Variants in DNAH8 observed in about 807,000 individuals in gnomAD.
DNAH8 encodes axonemal beta dynein heavy chain 8.
A neutral mutation model predicts 562.1 loss-of-function variants in DNAH8; 382 were observed. The observed-to-expected ratio is 0.68, with a 90% CI of 0.63 to 0.74. The LOEUF (loss-of-function observed/expected upper bound fraction) is 0.74, where lower values mean the gene tolerates loss of function less well. DNAH8 is among the 30% of genes least tolerant of loss of function. The pLI, the probability that DNAH8 is intolerant of heterozygous loss-of-function variation, is 0.00. For synonymous variants in DNAH8, 1,881 were observed against 1,919.4 expected, an observed-to-expected ratio of 0.98 and a Z score of 0.52; for missense variants, 5,203 against 5,620.4, an observed-to-expected ratio of 0.93 and a Z score of 2.37.
At chr6:38,790,745 C>T (rs1281997689) in intron 20 of DNAH8, among the ~76,000 whole-genome samples, 1 of 151,856 alleles carries the variant, frequency 6.6e-6, no homozygotes, top group Non-Finnish European at 1.5e-5. Flanking sequence ...ATCGTTTGAA[C>T]CAGGGAAGCG....
intron 19 of DNAH8, 67 bp downstream of exon 19, chr6:38,789,950 T>C: frequency 1.6e-6 from 2 of 1,252,894 alleles, no homozygotes; most frequent in Non-Finnish European, 1.2e-6. Context: ...TTCTATAAAC[T>C]ATGGATTTTG....
intron 75 of DNAH8, 110 bp from the exon 76 acceptor site, chr6:38,931,700 CA>C: frequency 3.4e-6 from 2 of 585,382 alleles, no homozygotes; most frequent in South Asian, 8.1e-5. Flanking sequence ...CTTTCCTTCC[CA>C]ATTTATTGAA....
At chr6:39,024,043 A>G (rs545848029) in intron 91 of DNAH8, among the ~76,000 whole-genome samples, 32 of 152,264 alleles carry the variant, frequency 2.1e-4, no homozygotes, top group African/African-American at 7.7e-4. Context: ...TTTTCACTAG[A>G]GTTTTTCAGA....
chr6:38,971,626 A>G lies in DNAH8; in HGVS notation c.12486A>G (p.Glu4162=). 1 of 1,603,210 alleles carries G rather than the reference A, an allele frequency of 6.2e-7. No individual in the cohort carries two copies. Among genetic ancestry groups the G allele is most frequent in the Non-Finnish European group, 8.5e-7 (1 of 1,175,384 alleles). ...CTATCTCAATGGGGCAAGGACAAGA[A>G]GTACATGCTCGAAAGCTGATTCAGA... The part of the protein sequence containing the change: ...CRTISMGQGQ[E]VHARKLIQMS... Residue 4162 remains glutamate (E), a synonymous_variant, in exon 83 of 93, where the codon GAA becomes GAG. Coordinates refer to ENST00000327475, the MANE Select transcript of DNAH8 (RefSeq NM_001206927.2).
chr6:38,866,775 A>G lies in DNAH8; in HGVS notation c.6592A>G (p.Met2198Val). The G allele has an allele frequency of 1.9e-6, 3 of 1,610,522 alleles. No homozygotes were observed. The highest frequency in any genetic ancestry group is 2.5e-6 in the Non-Finnish European group (3 of 1,177,842). The change falls in exon 47 of 93, where the codon ATG becomes GTG. Residue 2198 changes from methionine to valine, a missense_variant. Transcript: ENST00000327475. ...AMMVPDRQII[M>V]RVKLASCGFL... ...TCACTATATTAATTTTCAGATCATT[A>G]TGAGAGTTAAACTTGCAAGCTGTGG...
At chr6:38,845,389 A>G (rs1406569727) in intron 35 of DNAH8, among the ~76,000 whole-genome samples, 185 bp from the exon 36 acceptor site, 3 of 152,188 alleles carry the variant, frequency 2.0e-5, no homozygotes, top group Non-Finnish European at 4.4e-5. Flanking sequence ...TTAGTAAATA[A>G]TTAGTAAGGC....
chr6:39,025,774 A>G (rs1767233536), intron 91 of DNAH8, among the ~76,000 whole-genome samples: 1 of 152,232 alleles, frequency 6.6e-6, no homozygotes, highest in East Asian at 1.9e-4. Flanking sequence ...TATGATTTTT[A>G]ATATTTACAT....
Position 39,012,312 on chromosome 6 carries a change from G to A in DNAH8, c.13469G>A (p.Arg4490His), listed in dbSNP as rs202160082. 8.7e-6 allele frequency: 14 copies of A among 1,613,260 alleles called. No individual in the cohort carries two copies. The highest frequency in any genetic ancestry group is 1.7e-4 in the Middle Eastern group (1 of 6,060). The part of the protein sequence containing the change: ...DRMQRVISIL[R>H]SSLSDLKLAI... The stretch of plus-strand genomic sequence containing the variant: ...ATGCAAAGAGTCATTTCAATACTCC[G>A]CAGTAGCCTGAGTGATCTAAAATTG... The change falls in exon 90 of 93, where the codon CGC becomes CAC. Residue 4490 changes from arginine (R) to histidine (H), a missense_variant. Arg to His is a conservative substitution (Grantham distance 29). Transcript: ENST00000327475.
intron 88 of DNAH8, among the ~76,000 whole-genome samples, chr6:39,005,737 C>A (rs1765758302): frequency 6.6e-6 from 1 of 152,156 alleles, no homozygotes; most frequent in Admixed American, 6.5e-5. Context: ...TTATTTTATC[C>A]TAGCAATTAG....
Position 38,795,308 on chromosome 6 carries a change from G to A in DNAH8, c.2901+3634G>A, listed in dbSNP as rs571130416. On this transcript the variant is annotated intron_variant, in intron 21 of 92. Coordinates refer to ENST00000327475, the MANE Select transcript of DNAH8 (RefSeq NM_001206927.2). The stretch of plus-strand genomic sequence containing the variant: ...CTCAAGAGTGTAAGTTGCTGGGCAC[G>A]GTGGCTCACGCCCGTAATCCCAGCA... Among the ~76,000 whole-genome samples the A allele has an allele frequency of 5.9e-5, 9 of 152,258 alleles. No individual in the cohort carries two copies. The East Asian group carries it at 1.7e-3, about 29-fold the overall frequency.
Position 38,945,514 on chromosome 6 carries a change from T to C in DNAH8, c.12055T>C (p.Trp4019Arg). 6.2e-7 allele frequency: 1 copy of C among 1,614,160 alleles called. No homozygotes were observed. The highest frequency in any genetic ancestry group is 8.5e-7 in the Non-Finnish European group (1 of 1,180,000). Residue 4019 changes from tryptophan (W) to arginine (R), a missense_variant, in exon 80 of 93, where the codon TGG (tryptophan) becomes CGG (arginine). Coordinates refer to ENST00000327475, the MANE Select transcript of DNAH8 (RefSeq NM_001206927.2). ...LKACPPKPYR[W>R]ILDMTWLNLV... ...AGCCTGTCCTCCCAAACCCTATCGCTGGATCCTTGACATGACTTGGCTGAA... is the reference window on the plus strand; with the variant it reads ...AGCCTGTCCTCCCAAACCCTATCGCCGGATCCTTGACATGACTTGGCTGAA...
Position 38,883,414 on chromosome 6 carries a change from A to G in DNAH8, c.8094A>G (p.Lys2698=). 1 of 1,612,932 alleles carries G rather than the reference A, an allele frequency of 6.2e-7. No homozygotes were observed. The highest frequency in any genetic ancestry group is 8.5e-7 in the Non-Finnish European group (1 of 1,179,434). The change falls in exon 55 of 93, where the codon AAA becomes AAG. Residue 2698 remains lysine, a synonymous_variant. Coordinates refer to ENST00000327475, the MANE Select transcript of DNAH8 (RefSeq NM_001206927.2). ...KKYDPEVQLS[K]SLNFSSATEP... is the part of the protein sequence containing the mutation. ...ATGATCCTGAAGTACAGCTATCCAA[A>G]AGTCTAAACTTTTCATCTGCCACAG...
Position 38,770,469 on chromosome 6 carries a change from G to T in DNAH8, c.1674G>T (p.Leu558=). 6.2e-7 allele frequency: 1 copy of T among 1,608,082 alleles called. No individual in the cohort carries two copies. The highest frequency in any genetic ancestry group is 8.5e-7 in the Non-Finnish European group (1 of 1,176,726). ...CATCTTTTCATAAAACAAGGAAACT[G>T]ATTTCAGAATCCTCAGGGGAAAAAT... ...YQASFHKTRK[L]ISESSGEKSF... is the part of the protein sequence containing the mutation. The change falls in exon 12 of 93, where the codon CTG becomes CTT. Residue 558 remains leucine, a synonymous_variant. Transcript: ENST00000327475.
chr6:38,954,110 T>A (rs1762094800), intron 82 of DNAH8, among the ~76,000 whole-genome samples: 1 of 152,168 alleles, frequency 6.6e-6, no homozygotes, highest in Admixed American at 6.5e-5. Flanking sequence ...CTTGTACTGG[T>A]CAAGATCTGT....
At chr6:38,847,419 T>G (rs1348698432) in intron 36 of DNAH8, among the ~76,000 whole-genome samples, 1 of 151,882 alleles carries the variant, frequency 6.6e-6, no homozygotes, top group Non-Finnish European at 1.5e-5. Context: ...TTGGAAGATG[T>G]TTTTGGCATA....
chr6:38,860,426 A>G (rs367744843), intron 42 of DNAH8, 31 bp from the exon 43 acceptor site: 66 of 1,273,788 alleles, frequency 5.2e-5, no homozygotes, highest in Non-Finnish European at 6.5e-5. Flanking sequence ...GCAATTCAGT[A>G]TATAATTTTT....
chr6:38,997,670 C>T (rs1765227288), intron 88 of DNAH8, among the ~76,000 whole-genome samples: 1 of 152,206 alleles, frequency 6.6e-6, no homozygotes, highest in African/African-American at 2.4e-5. Context: ...CTGGCTAAGT[C>T]TGTGTGAATG....
chr6:38,757,929 T>C (rs562698264), intron 10 of DNAH8, among the ~76,000 whole-genome samples: 11 of 152,322 alleles, frequency 7.2e-5, no homozygotes, highest in Admixed American at 3.9e-4. Context: ...TGTAGCCTTG[T>C]AGTATAGTTT....
chr6:38,775,317 C>G (rs184493359), intron 12 of DNAH8, among the ~76,000 whole-genome samples: 5 of 152,222 alleles, frequency 3.3e-5, no homozygotes, highest in Admixed American at 6.5e-5. Flanking sequence ...GCTTCTTGGA[C>G]CAGTCTTTTA....
Sources: allele counts gnomAD v4.1 joint callset (sites outside exome capture counted in the v4.1 genomes callset), GRCh38; gene constraint gnomAD v4.1.1; transcripts MANE v1.5; gene names NCBI Gene and HGNC (gene_info 2026-07-23, HGNC 2026-07-21).